The following BOP1 variants were observed in gnomAD, a reference collection of about 807,000 sequenced individuals.
BOP1 encodes ribosome biogenesis protein BOP1.
Under a neutral mutation model 82.9 loss-of-function variants are expected in BOP1, and 54 were observed. The observed-to-expected ratio is 0.65, with a 90% CI of 0.52 to 0.82. The LOEUF (loss-of-function observed/expected upper bound fraction) is 0.82, where lower values mean the gene tolerates loss of function less well. Ranked by LOEUF, BOP1 falls within the 40% of genes least tolerant of loss-of-function variation. The pLI, the probability that BOP1 is intolerant of heterozygous loss-of-function variation, is 0.00. For missense variants in BOP1, 1,170 were observed against 1,072.0 expected, an observed-to-expected ratio of 1.09 and a Z score of -1.28; for synonymous variants, 566 against 451.1, an observed-to-expected ratio of 1.25 and a Z score of -3.23.
At chr8:144,268,378 T>C (rs1845430501) in intron 3 of BOP1, 3 of 597,326 alleles carry the variant, frequency 5.0e-6, no homozygotes, top group Non-Finnish European at 8.9e-6. Context: ...CTTTCTGCGC[T>C]GGCTTTTCTT....
At position 144,291,073 on chromosome 8, in the gene BOP1, G is replaced by A. The variant is rs1554840127; in HGVS notation, c.99+199C>T. On this transcript the variant is annotated intron_variant, in intron 1 of 15. Coordinates refer to ENST00000569669, the MANE Select transcript of BOP1 (RefSeq NM_015201.5). The surrounding 1 kb of genome is among the most constrained non-coding windows in gnomAD (Gnocchi z 4.1). ...CCACTCCCCGCTCCCCCGTTTCTTT[G>A]CTTCCCGGACGCCGTCCTTTACCCC... Among the ~76,000 whole-genome samples the A allele has an allele frequency of 6.6e-6, 1 of 150,652 alleles. No homozygotes were observed. The highest frequency in any genetic ancestry group is 1.5e-5 in the Non-Finnish European group (1 of 67,638).
At chr8:144,276,199 C>G in intron 3 of BOP1, 25 bp downstream of exon 3, 1 of 1,611,662 alleles carries the variant, frequency 6.2e-7, no homozygotes, top group Non-Finnish European at 8.5e-7. Flanking sequence ...CCACCCTGCC[C>G]AGTGGGAAGC....
At chr8:144,270,723 C>A (rs959191473) in intron 3 of BOP1, among the ~76,000 whole-genome samples, 1 of 152,152 alleles carries the variant, frequency 6.6e-6, no homozygotes, top group Non-Finnish European at 1.5e-5. Context: ...GCCGGGCAGA[C>A]GAGTGGCAGG....
At position 144,264,226 on chromosome 8, in the gene BOP1, T is replaced by A; in HGVS notation, c.977A>T (p.Glu326Val). The change falls in exon 7 of 16, where the codon GAG becomes GTG. Residue 326 changes from glutamate (E) to valine (V), a missense_variant and splice_region_variant. By Grantham distance (121) the Glu-to-Val change is moderately radical. Transcript: ENST00000569669. ...CCGGCCCCCAGGATGCAGGCCCACC[T>A]CCTCCTCGCTGAGCAGGTATTCAGG... ...PPPEYLLSEE[E>V]RLAWEQQEPG... 1 of 1,607,544 alleles carries A rather than the reference T, an allele frequency of 6.2e-7. No homozygotes were observed. Among genetic ancestry groups the A allele is most frequent in the Non-Finnish European group, 8.5e-7 (1 of 1,178,050 alleles).
rs149143850 is a variant in BOP1 at position 144,282,108 on chromosome 8, C to T, written c.310-5804G>A. Among the ~76,000 whole-genome samples, 6 of 152,376 alleles carry T rather than the reference C, an allele frequency of 3.9e-5. No homozygotes were observed. In the East Asian group the frequency reaches 1.2e-3, roughly 29 times the overall value. Reference sequence around the variant, plus strand: ...GAGAAGGCCCTGCAACCAGTCCTCGCTCCGGTGAGCCCGCGGCCCGCGCTG... The same window carrying T: ...GAGAAGGCCCTGCAACCAGTCCTCGTTCCGGTGAGCCCGCGGCCCGCGCTG... On this transcript the variant is annotated intron_variant, in intron 2 of 15. Coordinates refer to ENST00000569669, the MANE Select transcript of BOP1 (RefSeq NM_015201.5).
In BOP1 at chr8:144,291,166, C is replaced by A; in HGVS notation, c.99+106G>T. ...CCACGCCCAAGACCGATTCACTGGG[C>A]GCGGGCGCCCAGGTGACAGAAGCCG... On this transcript the variant is annotated intron_variant, in intron 1 of 15. Coordinates refer to ENST00000569669, the MANE Select transcript of BOP1 (RefSeq NM_015201.5). This position sits in a 1 kb window ranked among gnomAD's most constrained non-coding sequence, Gnocchi z 4.1. 1.0e-6 allele frequency: 1 copy of A among 980,196 alleles called. No individual in the cohort carries two copies. The highest frequency in any genetic ancestry group is 4.0e-4 in the Middle Eastern group (1 of 2,530). 60.7% of individuals were successfully genotyped at this position (980,196 alleles called of 1,614,324 possible).
chr8:144,266,408 G>C (rs1224895306), intron 3 of BOP1, among the ~76,000 whole-genome samples: 1 of 151,798 alleles, frequency 6.6e-6, no homozygotes, highest in African/African-American at 2.4e-5. Flanking sequence ...GCGCGGGGGA[G>C]GGGCCGGGAC....
At position 144,262,501 on chromosome 8, in the gene BOP1, T is replaced by C. The variant is rs1445141610; in HGVS notation, c.1982A>G (p.His661Arg). ...CACAGCCCGCAGAGCCTTCTTGTGGTGTCTGGGGGGAGGGAACCAGGTTGA... is the reference window on the plus strand; with the variant it reads ...CACAGCCCGCAGAGCCTTCTTGTGGCGTCTGGGGGGAGGGAACCAGGTTGA... ...LSTKPYRMLR[H>R]HKKALRAVAF... Residue 661 changes from histidine to arginine, a missense_variant and splice_region_variant, in exon 15 of 16, where the codon CAC becomes CGC. By Grantham distance (29) the His-to-Arg change is conservative (BLOSUM62 0). Transcript: ENST00000569669. 2.5e-6 allele frequency: 4 copies of C among 1,612,440 alleles called. No individual in the cohort carries two copies. Among genetic ancestry groups the C allele is most frequent in the African/African-American group, 2.7e-5 (2 of 74,742 alleles).
rs1845276405 is a variant in BOP1, at chr8:144,263,353, C to T, written c.1473G>A (p.Val491=). 2.5e-6 allele frequency: 4 copies of T among 1,596,322 alleles called. No homozygotes were observed. In the East Asian group the frequency reaches 8.9e-5, roughly 36 times the overall value. Residue 491 remains valine, a synonymous_variant, in exon 12 of 16, where the codon GTG becomes GTA. Coordinates refer to ENST00000569669, the MANE Select transcript of BOP1 (RefSeq NM_015201.5). ...TCAACAGCTGATCTGTGCTGCCCGC[C>T]ACCAGCCGGTCCCCCAGAGCTGGGT... ...LLNPALGDRL[V]AGSTDQLLSA... is the part of the protein sequence containing the mutation.
In BOP1 at chr8:144,266,824, G is replaced by A. The variant is rs1205136805; in HGVS notation, c.391-1753C>T. On this transcript the variant is annotated intron_variant, in intron 3 of 15. Transcript: ENST00000569669. ...GGGCGGGGGGCCAGGGGGCCGGCCA[G>A]GCCGTGAGCCCCGGCAGCGGCACAC... The A allele has an allele frequency of 3.2e-6, 4 of 1,261,842 alleles. No homozygotes were observed. In the South Asian group the frequency reaches 6.3e-5, roughly 20 times the overall value. The allele number at this position is 1,261,842 out of a possible 1,614,324, so 78.2% of individuals were successfully genotyped here.
intron 3 of BOP1, chr8:144,265,439 G>A (rs1050640953): frequency 5.1e-5 from 19 of 371,300 alleles, no homozygotes; most frequent in Middle Eastern, 8.1e-4. Context: ...AGGCAGAAGT[G>A]GGCAGCTATA....
intron 3 of BOP1, among the ~76,000 whole-genome samples, chr8:144,267,410 G>C (rs1845400214): frequency 6.6e-6 from 1 of 152,188 alleles, no homozygotes; most frequent in Non-Finnish European, 1.5e-5. Context: ...GCAGGGAGCT[G>C]CATGAGGGGT....
Position 144,264,538 on chromosome 8 carries a change from G to A in BOP1, c.742C>T (p.Pro248Ser). The A allele has an allele frequency of 1.2e-6, 2 of 1,610,520 alleles. No homozygotes were observed. Among genetic ancestry groups the A allele is most frequent in the Non-Finnish European group, 1.7e-6 (2 of 1,179,128 alleles). The change falls in exon 6 of 16, where the codon CCC (proline) becomes TCC (serine). Residue 248 changes from proline (P) to serine (S), a missense_variant. Physicochemically the swap from Pro to Ser is moderately conservative, Grantham distance 74 (BLOSUM62 -1). Transcript: ENST00000569669. ...ACCTTCTCCTTCTCCACCAGGGAGG[G>A]GATGAAGCTGCGCTTGTCGGCCGGG... ...NRPADKRSFI[P>S]SLVEKEKVSR...
chr8:144,262,742 T>TGG, intron 13 of BOP1, 70 bp from the exon 14 acceptor site: 1 of 1,459,404 alleles, frequency 6.9e-7, no homozygotes, highest in Non-Finnish European at 9.2e-7. Flanking sequence ...GCCCGTCACC[T>TGG]ACACCCCTCA....
At chr8:144,271,751 C>A (rs1012730248) in intron 3 of BOP1, among the ~76,000 whole-genome samples, 1 of 152,104 alleles carries the variant, frequency 6.6e-6, no homozygotes, top group African/African-American at 2.4e-5. Flanking sequence ...GCTGAGCGAA[C>A]CCCCAGCCCA....
chr8:144,288,924 G>A (rs1814958308), intron 2 of BOP1, among the ~76,000 whole-genome samples, 171 bp downstream of exon 2: 1 of 152,256 alleles, frequency 6.6e-6, no homozygotes, highest in African/African-American at 2.4e-5. Flanking sequence ...CGCAACTGGG[G>A]ATGGAAACCA....
At chr8:144,275,380 C>G (rs1246544433) in intron 3 of BOP1, among the ~76,000 whole-genome samples, 1 of 152,186 alleles carries the variant, frequency 6.6e-6, no homozygotes, top group Non-Finnish European at 1.5e-5. Context: ...TGAGGGCAGC[C>G]CCCCGCAGCC....
At chr8:144,275,097 G>C (rs902243848) in intron 3 of BOP1, among the ~76,000 whole-genome samples, 2 of 152,126 alleles carry the variant, frequency 1.3e-5, no homozygotes, top group Non-Finnish European at 2.9e-5. Flanking sequence ...CGAAGGATGG[G>C]GGAAGAACCT....
At position 144,291,387 on chromosome 8, in the gene BOP1, G is replaced by A. The variant is rs782244686; in HGVS notation, c.-17C>T. 1.9e-5 allele frequency: 22 copies of A among 1,179,464 alleles called. 1 individual carries two copies. In the South Asian group the frequency reaches 6.6e-4, roughly 36 times the overall value. The allele number at this position is 1,179,464 out of a possible 1,614,324, so 73.1% of individuals were successfully genotyped here. A position where few individuals can be genotyped will look rare whatever the true frequency, so the allele number is the denominator to read the frequency against. ...ACCCGCCATGCCCCACCGCGCGCCGGCCGCCACCCGCACAGCCGCTTCCGA... is the reference window on the plus strand; with the variant it reads ...ACCCGCCATGCCCCACCGCGCGCCGACCGCCACCCGCACAGCCGCTTCCGA... On this transcript the variant is annotated 5_prime_UTR_variant, in exon 1 of 16. Transcript: ENST00000569669. The surrounding 1 kb of genome is among the most constrained non-coding windows in gnomAD (Gnocchi z 4.1).
Sources: allele counts gnomAD v4.1 joint callset (sites outside exome capture counted in the v4.1 genomes callset), GRCh38; gene constraint gnomAD v4.1.1; non-coding constraint Gnocchi (gnomAD v3.1); transcripts MANE v1.5; gene names NCBI Gene and HGNC (gene_info 2026-07-23, HGNC 2026-07-21).